Variants in MYBL1 observed in about 807,000 individuals in gnomAD.
MYBL1 encodes MYB proto-oncogene like 1, also known as myb-related protein A.
In MYBL1, 17 loss-of-function variants were observed where a neutral mutation model predicts 96.3. The observed-to-expected ratio is 0.18, with a 90% CI of 0.12 to 0.26. MYBL1 has a LOEUF of 0.26. MYBL1 is among the 10% of genes least tolerant of loss of function. MYBL1 has a pLI of 1.00. For synonymous variants in MYBL1, 282 were observed against 292.7 expected, an observed-to-expected ratio of 0.96 and a Z score of 0.37; for missense variants, 701 against 882.9, an observed-to-expected ratio of 0.79 and a Z score of 2.61.
chr8:66,578,820 G>A (rs558279141), intron 9 of MYBL1, among the ~76,000 whole-genome samples: 21 of 152,276 alleles, frequency 1.4e-4, no homozygotes, highest in African/African-American at 4.6e-4. Context: ...GCAAAGACTT[G>A]GAACCAACCC....
At chr8:66,594,121 A>G (rs1459780814) in intron 6 of MYBL1, among the ~76,000 whole-genome samples, 5 of 151,942 alleles carry the variant, frequency 3.3e-5, no homozygotes, top group Non-Finnish European at 7.4e-5. Flanking sequence ...GGTAACAGAA[A>G]GAGATTCTGT....
At position 66,566,902 on chromosome 8, in the gene MYBL1, G is replaced by T; in HGVS notation, c.1819C>A (p.Pro607Thr). The change falls in exon 13 of 16, where the codon CCT becomes ACT. Residue 607 changes from proline (P) to threonine (T), a missense_variant. This residue lies in a region of MYBL1 where 63 missense variants were observed against 109.2 expected (regional missense o/e 0.58). Coordinates refer to ENST00000522677, the MANE Select transcript of MYBL1 (RefSeq NM_001080416.4). ...TCTTGTTTGCAGCTTTTGTAAGCAG[G>T]TTCATCTTCCTCTTTGAGGAATAGG... ...TDLFLKEEDEPAYKSCKQENT... is the reference protein window; with the variant it reads ...TDLFLKEEDETAYKSCKQENT... 1 of 1,612,532 alleles carries T rather than the reference G, an allele frequency of 6.2e-7. No individual in the cohort carries two copies. Among genetic ancestry groups the T allele is most frequent in the Non-Finnish European group, 8.5e-7 (1 of 1,178,994 alleles).
At chr8:66,595,466 AGTTT>A in intron 6 of MYBL1, 113 bp downstream of exon 6, 2 of 461,876 alleles carry the variant, frequency 4.3e-6, no homozygotes, top group Non-Finnish European at 7.2e-6. Flanking sequence ...CATTTTTTTC[AGTTT>A]GTCTATTTAC....
intron 5 of MYBL1, 75 bp downstream of exon 5, chr8:66,597,255 G>A (rs1809888749): frequency 9.4e-7 from 1 of 1,060,076 alleles, no homozygotes; most frequent in South Asian, 2.2e-5. Flanking sequence ...TCGGGGACTT[G>A]CAAATGTATT....
intron 1 of MYBL1, among the ~76,000 whole-genome samples, chr8:66,610,823 G>A (rs1054796479): frequency 6.6e-6 from 1 of 152,066 alleles, no homozygotes; most frequent in Admixed American, 6.5e-5. Context: ...ATCATTCAGA[G>A]ATGATAATTT....
At chr8:66,608,551 G>A (rs7816935) in intron 1 of MYBL1, among the ~76,000 whole-genome samples, 1,799 of 152,176 alleles carry the variant, frequency 0.012, 38 homozygotes, top group African/African-American at 0.039. Context: ...GCCTGAGAAT[G>A]TGTATAATTT....
rs771360479 is a variant in MYBL1 at position 66,612,822 on chromosome 8, C to A, written c.17G>T (p.Arg6Leu). 6 of 1,370,748 alleles carry A rather than the reference C, an allele frequency of 4.4e-6. No homozygotes were observed. In the East Asian group the frequency reaches 1.4e-4, roughly 32 times the overall value. The allele number at this position is 1,370,748 out of a possible 1,614,324, so 84.9% of individuals were successfully genotyped here. A position where few individuals can be genotyped will look rare whatever the true frequency, so the allele number is the denominator to read the frequency against. Reference protein sequence around the residue: MAKRSRSEDEDDDLQY... With the variant: MAKRSLSEDEDDDLQY... ...GGGCGAAAGGGGTGCCACCCACCTG[C>A]GCGACCTCTTCGCCATCCTTCAAGT... is the stretch of plus-strand genomic sequence containing the variant. Residue 6 changes from arginine (R) to leucine (L), a missense_variant, in exon 1 of 16, where the codon CGC becomes CTC. Arg to Leu is a moderately radical substitution (Grantham distance 102). Coordinates refer to ENST00000522677, the MANE Select transcript of MYBL1 (RefSeq NM_001080416.4).
At chr8:66,588,092 G>C (rs1345625352) in intron 8 of MYBL1, among the ~76,000 whole-genome samples, 1 of 151,832 alleles carries the variant, frequency 6.6e-6, no homozygotes, top group Non-Finnish European at 1.5e-5. Context: ...CTTCTGACTT[G>C]ACAATCACTT....
chr8:66,565,327 T>C (rs894089101), intron 15 of MYBL1: 3 of 152,206 alleles, frequency 2.0e-5, no homozygotes, highest in African/African-American at 7.2e-5. Flanking sequence ...ATAATAACTT[T>C]CCCCAAAAGT....
At position 66,595,712 on chromosome 8, in the gene MYBL1, T is replaced by C. The variant is rs763280461; in HGVS notation, c.558A>G (p.Arg186=). The C allele has an allele frequency of 6.3e-6, 10 of 1,577,988 alleles. No homozygotes were observed. Among genetic ancestry groups the C allele is most frequent in the African/African-American group, 1.3e-5 (1 of 74,196 alleles). ...GTAAATAGCCCTCCTGTTCCACTTT[T>C]CTTCGCATAGTAGAATTCCAATGAT... is the stretch of plus-strand genomic sequence containing the variant. ...IKNHWNSTMR[R]KVEQEGYLQD... is the part of the protein sequence containing the mutation. The change falls in exon 6 of 16, where the codon AGA becomes AGG. Residue 186 remains arginine, a synonymous_variant. Transcript: ENST00000522677.
At position 66,566,742 on chromosome 8, in the gene MYBL1, T is replaced by C. The variant is rs966823145; in HGVS notation, c.1892A>G (p.Asn631Ser). ...AGTGCCTGATTCTTCTTTTTCCCAATTATCTAAGACTAGTGATTTTCTGAC... is the reference window on the plus strand; with the variant it reads ...AGTGCCTGATTCTTCTTTTTCCCAACTATCTAAGACTAGTGATTTTCTGAC... ...KKVRKSLVLD[N>S]WEKEESGTQL... The change falls in exon 14 of 16, where the codon AAT becomes AGT. Residue 631 changes from asparagine to serine, a missense_variant. By Grantham distance (46) the Asn-to-Ser change is conservative. This residue lies in a region of MYBL1 where 137 missense variants were observed against 137.5 expected (regional missense o/e 1.00). Transcript: ENST00000522677. The C allele has an allele frequency of 4.3e-6, 7 of 1,610,652 alleles. No individual in the cohort carries two copies. Among genetic ancestry groups the C allele is most frequent in the East Asian group, 2.2e-5 (1 of 44,756 alleles).
chr8:66,594,000 G>A (rs906307909), intron 6 of MYBL1, among the ~76,000 whole-genome samples: 2 of 152,048 alleles, frequency 1.3e-5, no homozygotes, highest in Non-Finnish European at 2.9e-5. Context: ...GCCAGGTGTA[G>A]TGGAGCACGC....
chr8:66,595,364 GA>G (rs1198475236), intron 6 of MYBL1, among the ~76,000 whole-genome samples: 1 of 152,056 alleles, frequency 6.6e-6, no homozygotes, highest in African/African-American at 2.4e-5. Context: ...AGAGTATTAG[GA>G]AATGTACATA....
At chr8:66,604,985 A>G (rs1310806250) in intron 1 of MYBL1, among the ~76,000 whole-genome samples, 8 of 152,204 alleles carry the variant, frequency 5.3e-5, no homozygotes, top group Non-Finnish European at 1.0e-4. Context: ...TGTCTGGAAC[A>G]GCACTTCCCA....
At chr8:66,593,058 T>C (rs1432612607) in intron 7 of MYBL1, 62 bp downstream of exon 7, 3 of 1,052,960 alleles carry the variant, frequency 2.8e-6, no homozygotes, top group Non-Finnish European at 2.8e-6. Flanking sequence ...ATAGATACTA[T>C]TAGGCTTTTA....
chr8:66,608,113 C>A (rs1313718927), intron 1 of MYBL1, among the ~76,000 whole-genome samples: 1 of 152,126 alleles, frequency 6.6e-6, no homozygotes, highest in East Asian at 1.9e-4. Context: ...AGTACAAAAA[C>A]ATTATTTTGG....
At chr8:66,602,638 T>C (rs915406074) in intron 1 of MYBL1, 115 bp from the exon 2 acceptor site, 23 of 427,686 alleles carry the variant, frequency 5.4e-5, no homozygotes, top group Admixed American at 4.6e-5. Context: ...ACAAGTCATA[T>C]TCACAATGAA....
intron 8 of MYBL1, among the ~76,000 whole-genome samples, chr8:66,587,059 C>A (rs149091642): frequency 6.6e-6 from 1 of 151,820 alleles, no homozygotes; most frequent in Non-Finnish European, 1.5e-5. Context: ...GGAAGGGAAG[C>A]GGAGAAGGGA....
intron 12 of MYBL1, among the ~76,000 whole-genome samples, chr8:66,570,768 C>T (rs1305758313): frequency 2.0e-5 from 3 of 151,848 alleles, no homozygotes; most frequent in Non-Finnish European, 4.4e-5. Flanking sequence ...ATTATGCAAA[C>T]GTTAAAAATT....
Sources: gnomAD v4.1 joint callset for allele counts (sites outside exome capture counted in the v4.1 genomes callset) on GRCh38, gnomAD v4.1.1 for gene constraint, gnomAD v4.1.1 regional missense constraint, MANE v1.5 for transcripts, NCBI Gene and HGNC (gene_info 2026-07-23, HGNC 2026-07-21) for gene names.